Variants in DACH1 observed in about 807,000 individuals in gnomAD.
DACH1 encodes the protein dachshund homolog 1.
A neutral mutation model predicts 54.2 loss-of-function variants in DACH1; 12 were observed. The observed-to-expected ratio is 0.22, with a 90% CI of 0.14 to 0.36. The LOEUF (loss-of-function observed/expected upper bound fraction) is 0.36. Among genes scored for constraint, DACH1 ranks in the 10% least tolerant of loss-of-function variants. The pLI is 1.00. For synonymous variants in DACH1, 386 were observed against 366.2 expected, an observed-to-expected ratio of 1.05 and a Z score of -0.62; for missense variants, 805 against 929.8, an observed-to-expected ratio of 0.87 and a Z score of 1.75.
Position 71,474,136 on chromosome 13 carries a change from G to C in DACH1, c.2083+1005C>G, listed in dbSNP as rs553915748. On this transcript the variant is annotated intron_variant, in intron 10 of 10. Transcript: ENST00000613252. ...TTACAAATTAATTAGAATGGCCTCA[G>C]GTAAAATAAATATAGGCAAAAAAAA... Among the ~76,000 whole-genome samples the C allele has an allele frequency of 2.7e-5, 3 of 111,048 alleles. No homozygotes were observed. The East Asian group carries it at 8.4e-4, about 31-fold the overall frequency. 72.9% of individuals were successfully genotyped at this position (111,048 alleles called of 152,430 possible).
At chr13:71,694,274 C>T (rs1211731263) in intron 1 of DACH1, among the ~76,000 whole-genome samples, 1 of 152,094 alleles carries the variant, frequency 6.6e-6, no homozygotes, top group South Asian at 2.1e-4. Context: ...TGTCAAGAAA[C>T]GTAATCCTGA....
At chr13:71,764,944 C>T (rs1885559295) in intron 1 of DACH1, among the ~76,000 whole-genome samples, 1 of 151,942 alleles carries the variant, frequency 6.6e-6, no homozygotes, top group African/African-American at 2.4e-5. Flanking sequence ...AGCCTCCTCT[C>T]CACTCTTTCC....
intron 10 of DACH1, among the ~76,000 whole-genome samples, chr13:71,450,045 T>C (rs938349965): frequency 2.0e-5 from 3 of 152,122 alleles, no homozygotes; most frequent in African/African-American, 4.8e-5. Flanking sequence ...GTTGTGCACA[T>C]GTACCCTAAA....
At chr13:71,704,480 A>G (rs900369981) in intron 1 of DACH1, 5 of 348,462 alleles carry the variant, frequency 1.4e-5, no homozygotes, top group Admixed American at 3.5e-5. Context: ...AAGAGCTGAG[A>G]TAGCTTCCTG....
chr13:71,591,721 T>A (rs959893724), intron 3 of DACH1, among the ~76,000 whole-genome samples: 1 of 152,172 alleles, frequency 6.6e-6, no homozygotes, highest in African/African-American at 2.4e-5. Context: ...AACCCTCCCT[T>A]CCAGGGGACC....
At chr13:71,535,922 T>C (rs1394233630) in intron 6 of DACH1, among the ~76,000 whole-genome samples, 1 of 152,072 alleles carries the variant, frequency 6.6e-6, no homozygotes, top group Non-Finnish European at 1.5e-5. Context: ...TGGATAATAA[T>C]GACTGAAAAT....
intron 1 of DACH1, among the ~76,000 whole-genome samples, chr13:71,728,554 A>T (rs1417587735): frequency 6.6e-6 from 1 of 152,080 alleles, no homozygotes; most frequent in African/African-American, 2.4e-5. Context: ...TCACAAATAC[A>T]TTTAACATAG....
chr13:71,465,139 A>G (rs893818914), intron 10 of DACH1, among the ~76,000 whole-genome samples: 1 of 152,108 alleles, frequency 6.6e-6, no homozygotes, highest in Non-Finnish European at 1.5e-5. Context: ...TATAGTTTAA[A>G]TGATTATGTT....
intron 1 of DACH1, among the ~76,000 whole-genome samples, chr13:71,833,887 C>A (rs1888681950): frequency 6.6e-6 from 1 of 151,960 alleles, no homozygotes. Flanking sequence ...TAGATTAATT[C>A]TCTGAAATAG....
At chr13:71,472,620 G>T (rs1336221067) in intron 10 of DACH1, among the ~76,000 whole-genome samples, 1 of 152,172 alleles carries the variant, frequency 6.6e-6, no homozygotes, top group African/African-American at 2.4e-5. Context: ...TGGATTTGGA[G>T]CAAGAAATAA....
At chr13:71,798,836 T>C (rs1188542216) in intron 1 of DACH1, among the ~76,000 whole-genome samples, 1 of 152,098 alleles carries the variant, frequency 6.6e-6, no homozygotes, top group Non-Finnish European at 1.5e-5. Flanking sequence ...TCTGAAACTT[T>C]ATTTTTTACA....
intron 8 of DACH1, among the ~76,000 whole-genome samples, chr13:71,477,083 TATATA>T (rs1566282839): frequency 1.7e-4 from 7 of 42,302 alleles, no homozygotes; most frequent in Admixed American, 7.2e-4. Context: ...TTTATTATTA[TATATA>T]TATATATATA....
intron 1 of DACH1, among the ~76,000 whole-genome samples, chr13:71,725,629 A>T (rs1883434333): frequency 6.6e-6 from 1 of 152,122 alleles, no homozygotes; most frequent in African/African-American, 2.4e-5. Flanking sequence ...TGATTAGTAG[A>T]TGTTCTTTAC....
intron 7 of DACH1, among the ~76,000 whole-genome samples, chr13:71,483,842 A>G (rs1031937223): frequency 5.3e-5 from 8 of 152,136 alleles, no homozygotes; most frequent in Non-Finnish European, 7.4e-5. Context: ...AGTATTCAAT[A>G]TAGTAATCTG....
chr13:71,694,322 C>A (rs1475010228), intron 1 of DACH1, among the ~76,000 whole-genome samples: 1 of 149,940 alleles, frequency 6.7e-6, no homozygotes, highest in African/African-American at 2.5e-5. Context: ...ATTCAGAGAC[C>A]TCCTGACAAC....
intron 1 of DACH1, among the ~76,000 whole-genome samples, chr13:71,791,406 C>A (rs1886826174): frequency 6.6e-6 from 1 of 152,144 alleles, no homozygotes; most frequent in Non-Finnish European, 1.5e-5. Context: ...TGAAGTCTCA[C>A]TCTGTCCCCC....
chr13:71,723,075 C>T (rs1240995448), intron 1 of DACH1, among the ~76,000 whole-genome samples: 1 of 151,948 alleles, frequency 6.6e-6, no homozygotes, highest in Non-Finnish European at 1.5e-5. Context: ...AACCGTTGTA[C>T]ATTTCTCTAT....
At chr13:71,639,975 G>A (rs1877771921) in intron 2 of DACH1, among the ~76,000 whole-genome samples, 2 of 151,700 alleles carry the variant, frequency 1.3e-5, no homozygotes, top group Admixed American at 1.3e-4. Flanking sequence ...TAAAACTTGG[G>A]GATTAGAAAG....
At chr13:71,665,158 T>C (rs1356436504) in intron 2 of DACH1, among the ~76,000 whole-genome samples, 1 of 151,978 alleles carries the variant, frequency 6.6e-6, no homozygotes, top group Non-Finnish European at 1.5e-5. Context: ...ATAACTCTAA[T>C]AGCATAAAAC....
Sources: gnomAD v4.1 joint callset for allele counts (sites outside exome capture counted in the v4.1 genomes callset) on GRCh38, gnomAD v4.1.1 for gene constraint, MANE v1.5 for transcripts, NCBI Gene and HGNC (gene_info 2026-07-23, HGNC 2026-07-21) for gene names.